Variants in AMPD3 observed in about 807,000 individuals in gnomAD.
The protein encoded by AMPD3 is adenosine monophosphate deaminase 3.
Under a neutral mutation model 82.3 loss-of-function variants are expected in AMPD3, and 57 were observed. The observed-to-expected ratio is 0.69, with a 90% confidence interval of 0.56 to 0.86. The LOEUF (loss-of-function observed/expected upper bound fraction) is 0.86, where lower values mean the gene tolerates loss of function less well. Ranked by LOEUF, AMPD3 falls within the 40% of genes least tolerant of loss-of-function variation. The probability of loss-of-function intolerance (pLI) is 0.00; values close to 1 mark genes in which losing one functional copy is unlikely to be tolerated. For missense variants in AMPD3, 870 were observed against 1,003.8 expected (o/e 0.87, Z 1.80); for synonymous variants, 381 against 394.7 (o/e 0.97, Z 0.41).
At chr11:10,470,039 CAAAA>C (rs58806706) in intron 2 of AMPD3, among the ~76,000 whole-genome samples, 2 of 101,816 alleles carry the variant, frequency 2.0e-5, no homozygotes, top group African/African-American at 3.8e-5. Flanking sequence ...GACTCCGTCT[CAAAA>C]AAAAAAAAAA....
chr11:10,479,819 T>A (rs1207562402), intron 3 of AMPD3: 2 of 830,996 alleles, frequency 2.4e-6, no homozygotes, highest in Non-Finnish European at 2.9e-6. Context: ...TTTTAAAAAA[T>A]ATGTACATAG....
chr11:10,479,365 C>A (rs1042498137), intron 3 of AMPD3, among the ~76,000 whole-genome samples: 31 of 152,332 alleles, frequency 2.0e-4, no homozygotes, highest in Middle Eastern at 3.4e-3. Context: ...TTGGCTCCAT[C>A]TCCCTGGCCC....
upstream of AMPD3, among the ~76,000 whole-genome samples, chr11:10,453,871 G>A (rs1848021213): frequency 6.6e-6 from 1 of 152,132 alleles, no homozygotes; most frequent in Admixed American, 6.5e-5. Context: ...ACAGGCATGA[G>A]CCACCATGCC....
rs1439407714 is a variant in AMPD3 at position 10,507,392 on chromosome 11, A to G, written c.*1508A>G. On this transcript the variant is annotated 3_prime_UTR_variant, in exon 15 of 15. Transcript: ENST00000396553. ...TGCAGTCTTTTTACTAGGCAGATAT[A>G]TATGCTATCTTACAGCTAATTATGA... 2 of 151,828 alleles carry G rather than the reference A, an allele frequency of 1.3e-5. No individual in the cohort carries two copies. The highest frequency in any genetic ancestry group is 2.4e-5 in the African/African-American group (1 of 41,062). The allele number at this position is 151,828 out of a possible 1,614,324, so 9.4% of individuals were successfully genotyped here.
Position 10,456,018 on chromosome 11 carries a change from G to C in AMPD3, c.-6+570G>C. ...CTTATCTCCTGCAGCTGGGCAGGAC[G>C]GCTGAGTTTACTGTTGTAAAGAGGA... On this transcript the variant is annotated intron_variant, in intron 1 of 14. Transcript: ENST00000396553. This position sits in a 1 kb window ranked among gnomAD's most constrained non-coding sequence, Gnocchi z 4.3. The C allele has an allele frequency of 9.1e-6, 9 of 985,370 alleles. No homozygotes were observed. The highest frequency in any genetic ancestry group is 9.4e-5 in the South Asian group (2 of 21,286). The allele number at this position is 985,370 out of a possible 1,614,324, so 61.0% of individuals were successfully genotyped here.
upstream of AMPD3, among the ~76,000 whole-genome samples, chr11:10,453,049 A>G (rs1467997266): frequency 6.6e-6 from 1 of 152,166 alleles, no homozygotes; most frequent in Non-Finnish European, 1.5e-5. Flanking sequence ...TCCCGGGTTC[A>G]AGCGATTCTC....
At chr11:10,492,970 C>T (rs1335164961) in intron 6 of AMPD3, among the ~76,000 whole-genome samples, 1 of 152,132 alleles carries the variant, frequency 6.6e-6, no homozygotes, top group Non-Finnish European at 1.5e-5. Context: ...GTCACGGCTG[C>T]AGCACAGAAT....
chr11:10,500,272 C>A (rs369101777), intron 11 of AMPD3, 23 bp downstream of exon 11: 3 of 1,613,874 alleles, frequency 1.9e-6, no homozygotes, highest in Non-Finnish European at 1.7e-6. Flanking sequence ...TGCCCTCGCA[C>A]ATGCTTGGGT....
Position 10,456,078 on chromosome 11 carries a change from G to A in AMPD3, c.-6+630G>A. 8.8e-7 allele frequency: 1 copy of A among 1,132,668 alleles called. No homozygotes were observed. The highest frequency in any genetic ancestry group is 1.1e-6 in the Non-Finnish European group (1 of 921,998). 70.2% of individuals were successfully genotyped at this position (1,132,668 alleles called of 1,614,324 possible). A position where few individuals can be genotyped will look rare whatever the true frequency, so the allele number is the denominator to read the frequency against. ...TTTAGTTTCCTCTTGTGAGGGCTGT[G>A]AAGAGGGCCAGGACACTGCATTCAG... On this transcript the variant is annotated intron_variant, in intron 1 of 14. Coordinates refer to ENST00000396553, the MANE Select transcript of AMPD3 (RefSeq NM_001025389.2). This position sits in a 1 kb window ranked among gnomAD's most constrained non-coding sequence, Gnocchi z 4.3.
chr11:10,490,407 G>C lies in AMPD3; in HGVS notation c.940-2942G>C, dbSNP rs368831134. 22 of 869,300 alleles carry C rather than the reference G, an allele frequency of 2.5e-5. 1 individual carries two copies. The East Asian group carries it at 4.9e-4, about 19-fold the overall frequency. The allele number at this position is 869,300 out of a possible 1,614,324, so 53.8% of individuals were successfully genotyped here. On this transcript the variant is annotated intron_variant, in intron 6 of 14. Transcript: ENST00000396553. ...AATTAGGGGCCACCCCTAAAGCTTA[G>C]TGAAAAGAGTGCTGTGTTCGATTAT...
chr11:10,451,179 T>G, upstream of AMPD3: 2 of 1,471,672 alleles, frequency 1.4e-6, no homozygotes, highest in Non-Finnish European at 1.8e-6. Context: ...TGGCGCTGAC[T>G]CCGGTCCGAT....
chr11:10,458,039 G>T (rs757139692), intron 1 of AMPD3, among the ~76,000 whole-genome samples: 1 of 152,130 alleles, frequency 6.6e-6, no homozygotes, highest in Admixed American at 6.5e-5. Context: ...GCCTGTGTGT[G>T]TCTGAGGGCA....
intron 8 of AMPD3, chr11:10,495,286 G>C (rs745325040): frequency 2.0e-6 from 2 of 985,334 alleles, no homozygotes; most frequent in Non-Finnish European, 2.4e-6. Context: ...CCTGGCTTTC[G>C]TGTCTCTGCA....
chr11:10,476,371 G>A (rs1591457521), intron 2 of AMPD3, among the ~76,000 whole-genome samples: 1 of 152,218 alleles, frequency 6.6e-6, no homozygotes. Flanking sequence ...ACCAGTTTGT[G>A]GGTACTAGCT....
At chr11:10,469,460 C>A (rs1008259210) in intron 2 of AMPD3, among the ~76,000 whole-genome samples, 2 of 152,218 alleles carry the variant, frequency 1.3e-5, no homozygotes, top group Admixed American at 1.3e-4. Flanking sequence ...AAGTTGAATC[C>A]CTGAATAGAC....
intron 5 of AMPD3, among the ~76,000 whole-genome samples, chr11:10,485,445 A>T (rs916715479): frequency 2.0e-5 from 3 of 152,036 alleles, no homozygotes; most frequent in Non-Finnish European, 4.4e-5. Flanking sequence ...GGGTTTTGCC[A>T]TGTTGCCTAG....
At chr11:10,488,155 C>T (rs905986203) in intron 6 of AMPD3, 19 of 967,274 alleles carry the variant, frequency 2.0e-5, no homozygotes, top group Admixed American at 6.2e-5. Context: ...TCCGGGGCTC[C>T]TGGCAGTCTC....
At chr11:10,495,800 C>T in intron 9 of AMPD3, 67 bp downstream of exon 9, 1 of 1,594,710 alleles carries the variant, frequency 6.3e-7, no homozygotes. Flanking sequence ...TCATGGGCTG[C>T]TGAGTCTGCA....
chr11:10,450,554 GC>G (rs1847934299), upstream of AMPD3: 1 of 986,304 alleles, frequency 1.0e-6, no homozygotes, highest in African/African-American at 1.7e-5. Flanking sequence ...TGGAAGCCCG[GC>G]GGGGCCAGCG....
Sources: gnomAD v4.1 joint callset for allele counts (sites outside exome capture counted in the v4.1 genomes callset) on GRCh38, gnomAD v4.1.1 for gene constraint, Gnocchi (gnomAD v3.1) non-coding constraint, MANE v1.5 for transcripts, NCBI Gene and HGNC (gene_info 2026-07-23, HGNC 2026-07-21) for gene names.